XIRP2: variants seen among roughly 807,000 people sequenced by gnomAD.
XIRP2 encodes the protein xin actin binding repeat containing 2, also known as xin actin-binding repeat-containing protein 2.
In XIRP2, 236 loss-of-function variants were observed where a neutral mutation model predicts 277.0. The observed-to-expected ratio is 0.85, with a 90% CI of 0.77 to 0.95. XIRP2 has a LOEUF of 0.95. Among genes scored for constraint, XIRP2 ranks in the 40% least tolerant of loss-of-function variants. The pLI is 0.00. For missense variants in XIRP2, 4,640 were observed against 4,157.5 expected, an observed-to-expected ratio of 1.12 and a Z score of -3.19; for synonymous variants, 1,490 against 1,416.5, an observed-to-expected ratio of 1.05 and a Z score of -1.17.
chr2:167,242,907 C>A lies in XIRP2; in HGVS notation c.1515C>A (p.Ile505=), dbSNP rs565160215. 4 of 1,613,930 alleles carry A rather than the reference C, an allele frequency of 2.5e-6. No homozygotes were observed. Among genetic ancestry groups the A allele is most frequent in the East Asian group, 4.5e-5 (2 of 44,860 alleles). The stretch of plus-strand genomic sequence containing the variant: ...AATTAAACCGTTTATATAAACACAT[C>A]CATCCTGAGTTAAGAAAAAACTTAG... ...LYELNRLYKH[I]HPELRKNLEK... Residue 505 remains isoleucine, a synonymous_variant, in exon 9 of 11, where the codon ATC becomes ATA. Transcript: ENST00000409195.
At chr2:167,172,886 C>T (rs1196263751) in intron 3 of XIRP2, among the ~76,000 whole-genome samples, 1 of 152,052 alleles carries the variant, frequency 6.6e-6, no homozygotes, top group East Asian at 1.9e-4. Flanking sequence ...TAGGAAATCA[C>T]AAGAGTATTG....
intron 2 of XIRP2, among the ~76,000 whole-genome samples, chr2:167,087,110 C>G (rs375318168): frequency 1.2e-3 from 181 of 151,904 alleles, no homozygotes; most frequent in Non-Finnish European, 1.9e-3. Flanking sequence ...GTGATGTACA[C>G]ATGGGTTTTT....
intron 3 of XIRP2, among the ~76,000 whole-genome samples, chr2:167,196,162 A>G (rs1355531146): frequency 6.6e-6 from 1 of 152,216 alleles, no homozygotes; most frequent in Non-Finnish European, 1.5e-5. Flanking sequence ...TGAAAATCCC[A>G]AATGTTCTCT....
intron 2 of XIRP2, among the ~76,000 whole-genome samples, chr2:167,019,801 A>T (rs1262713255): frequency 6.6e-6 from 1 of 152,082 alleles, no homozygotes; most frequent in Non-Finnish European, 1.5e-5. Flanking sequence ...GAGGGTTATA[A>T]ATTCCTCAAG....
intron 2 of XIRP2, among the ~76,000 whole-genome samples, chr2:167,111,875 G>T (rs1690766464): frequency 6.6e-6 from 1 of 151,912 alleles, no homozygotes; most frequent in South Asian, 2.1e-4. Context: ...CTTTCTTCCT[G>T]GTTCAGCCTT....
chr2:167,056,970 T>C (rs1251765746), intron 2 of XIRP2, among the ~76,000 whole-genome samples: 1 of 152,184 alleles, frequency 6.6e-6, no homozygotes, highest in Non-Finnish European at 1.5e-5. Context: ...TTGTTTACTC[T>C]TGGGCAGTTT....
chr2:167,131,872 T>C (rs1366010957), intron 2 of XIRP2, among the ~76,000 whole-genome samples: 1 of 152,188 alleles, frequency 6.6e-6, no homozygotes, highest in Non-Finnish European at 1.5e-5. Flanking sequence ...ACCCAACTCA[T>C]GATCTATCAT....
intron 2 of XIRP2, among the ~76,000 whole-genome samples, chr2:167,103,429 T>C (rs900195603): frequency 2.0e-5 from 3 of 152,158 alleles, no homozygotes; most frequent in Non-Finnish European, 4.4e-5. Context: ...TTGCTGCTCT[T>C]TGGCTTTGGC....
chr2:167,059,920 C>G (rs947550047), intron 2 of XIRP2, among the ~76,000 whole-genome samples: 3 of 152,136 alleles, frequency 2.0e-5, no homozygotes, highest in Non-Finnish European at 4.4e-5. Context: ...TAGGGTCCTG[C>G]TGCCTTATAA....
chr2:167,241,699 C>T, intron 7 of XIRP2, 78 bp from the exon 8 acceptor site: 4 of 1,479,212 alleles, frequency 2.7e-6, no homozygotes, highest in South Asian at 2.8e-5. Context: ...AATGAGCCAC[C>T]ATGCCCAGCC....
At chr2:167,184,469 C>T (rs1186066807) in intron 3 of XIRP2, 2 of 670,118 alleles carry the variant, frequency 3.0e-6, no homozygotes, top group East Asian at 5.4e-5. Context: ...TTTGAGATCC[C>T]TCGCTTCTTC....
intron 3 of XIRP2, among the ~76,000 whole-genome samples, chr2:167,152,277 C>A (rs776820926): frequency 5.9e-5 from 9 of 152,048 alleles, no homozygotes; most frequent in South Asian, 2.1e-4. Context: ...AGAACAGCAT[C>A]CTTTGGAGTC....
intron 2 of XIRP2, among the ~76,000 whole-genome samples, chr2:167,053,386 C>A (rs1030628420): frequency 6.6e-6 from 1 of 152,140 alleles, no homozygotes; most frequent in African/African-American, 2.4e-5. Flanking sequence ...TCTTGTCTTT[C>A]AATCCATCAT....
At chr2:166,982,588 G>A (rs1686904679) in intron 2 of XIRP2, among the ~76,000 whole-genome samples, 1 of 151,696 alleles carries the variant, frequency 6.6e-6, no homozygotes, top group Non-Finnish European at 1.5e-5. Context: ...TTCCAGCTCA[G>A]TGGCTTTTTC....
intron 2 of XIRP2, among the ~76,000 whole-genome samples, chr2:167,131,453 C>T (rs986596129): frequency 2.0e-5 from 3 of 152,158 alleles, no homozygotes; most frequent in African/African-American, 7.2e-5. Context: ...AGTAAGTGAG[C>T]TCCATTCACC....
In XIRP2 at chr2:167,031,543, T is replaced by C. The variant is rs567404128; in HGVS notation, c.409-104366T>C. Among the ~76,000 whole-genome samples, 5 of 152,212 alleles carry C rather than the reference T, an allele frequency of 3.3e-5. No homozygotes were observed. In the South Asian group the frequency reaches 1.0e-3, roughly 32 times the overall value. ...TCCCTGTTTGCAGATGACAACTGTATATTTAGAAAACCCCATGGTCCCAGC... is the reference window on the plus strand; with the variant it reads ...TCCCTGTTTGCAGATGACAACTGTACATTTAGAAAACCCCATGGTCCCAGC... On this transcript the variant is annotated intron_variant, in intron 2 of 10. Coordinates refer to ENST00000409195, the MANE Select transcript of XIRP2 (RefSeq NM_152381.6).
chr2:167,105,266 C>T (rs1218342727), intron 2 of XIRP2, among the ~76,000 whole-genome samples: 2 of 151,936 alleles, frequency 1.3e-5, no homozygotes, highest in South Asian at 2.1e-4. Flanking sequence ...TTTCCATCAC[C>T]ACATAGATCC....
chr2:167,111,488 A>G (rs1266744893), intron 2 of XIRP2, among the ~76,000 whole-genome samples: 1 of 152,048 alleles, frequency 6.6e-6, no homozygotes, highest in Non-Finnish European at 1.5e-5. Context: ...ATGGATTTGC[A>G]TGTGTTGAAC....
Position 167,243,256 on chromosome 2 carries a change from G to A in XIRP2, c.1864G>A (p.Glu622Lys). ...GDVKYTTWMFETQPIDTLGAY... is the reference protein window; with the variant it reads ...GDVKYTTWMFKTQPIDTLGAY... Reference sequence around the variant, plus strand: ...TGTGAAATATACCACATGGATGTTTGAAACCCAACCCATCGACACACTTGG... The same window carrying A: ...TGTGAAATATACCACATGGATGTTTAAAACCCAACCCATCGACACACTTGG... Residue 622 changes from glutamate to lysine, a missense_variant, in exon 9 of 11, where the codon GAA becomes AAA. Coordinates refer to ENST00000409195, the MANE Select transcript of XIRP2 (RefSeq NM_152381.6). The A allele has an allele frequency of 6.2e-7, 1 of 1,613,700 alleles. No homozygotes were observed. Among genetic ancestry groups the A allele is most frequent in the African/African-American group, 1.3e-5 (1 of 75,026 alleles).
Sources: gnomAD v4.1 joint callset for allele counts (sites outside exome capture counted in the v4.1 genomes callset) on GRCh38, gnomAD v4.1.1 for gene constraint, MANE v1.5 for transcripts, NCBI Gene and HGNC (gene_info 2026-07-23, HGNC 2026-07-21) for gene names.